The following ANGPT1 variants were observed in gnomAD, a reference collection of about 807,000 sequenced individuals.
The protein encoded by ANGPT1 is angiopoietin 1.
A neutral mutation model predicts 62.2 loss-of-function variants in ANGPT1; 17 were observed. That is an observed-to-expected ratio of 0.27 (90% CI 0.19 to 0.41). ANGPT1 has a LOEUF of 0.41. ANGPT1 is among the 10% of genes least tolerant of loss of function. ANGPT1 has a pLI of 1.00. For missense variants in ANGPT1, 478 were observed against 594.9 expected (o/e 0.80, Z 2.04); for synonymous variants, 199 against 198.9 (o/e 1.00, Z 0.00).
chr8:107,381,796 T>C (rs529740630), intron 1 of ANGPT1, among the ~76,000 whole-genome samples: 1 of 152,300 alleles, frequency 6.6e-6, no homozygotes, highest in Admixed American at 6.5e-5. Flanking sequence ...GGAAACATAG[T>C]TTTCCAAAAG....
At chr8:107,283,590 G>C (rs546646396) in intron 7 of ANGPT1, among the ~76,000 whole-genome samples, 1 of 152,158 alleles carries the variant, frequency 6.6e-6, no homozygotes, top group South Asian at 2.1e-4. Context: ...TGAACTATGA[G>C]ATAACCACAC....
At chr8:107,387,976 C>A (rs1158362681) in intron 1 of ANGPT1, among the ~76,000 whole-genome samples, 1 of 151,828 alleles carries the variant, frequency 6.6e-6, no homozygotes, top group Non-Finnish European at 1.5e-5. Context: ...GGGTTTTGGT[C>A]GACCTATTTA....
At chr8:107,475,768 G>C (rs1382736397) in intron 1 of ANGPT1, among the ~76,000 whole-genome samples, 3 of 152,140 alleles carry the variant, frequency 2.0e-5, no homozygotes, top group African/African-American at 7.2e-5. Flanking sequence ...ATCAAAAAGT[G>C]GGTGAAGGAT....
rs558679196 is a variant in ANGPT1 at position 107,269,273 on chromosome 8, C to A, written c.1206-4922G>T. ...TTATTTGATACAGGTAAATTAAGGA[C>A]CAGTCACTCATTAGTGCCAAGTATT... On this transcript the variant is annotated intron_variant, in intron 7 of 8. Coordinates refer to ENST00000517746, the MANE Select transcript of ANGPT1 (RefSeq NM_001146.5). 3.3e-5 allele frequency among the ~76,000 whole-genome samples: 5 copies of A among 151,814 alleles called. No individual in the cohort carries two copies. The East Asian group carries it at 9.7e-4, about 29-fold the overall frequency.
At position 107,257,870 on chromosome 8, in the gene ANGPT1, G is replaced by GTTTTTTTTT. The variant is rs750634420; in HGVS notation, c.1337-5856_1337-5855insAAAAAAAAA. ...TATATCCTCTTCAGGCCAAGGACTT[G>GTTTTTTTTT]TTTTTGTTTCTTTTTTGTTTGTTTG... On this transcript the variant is annotated intron_variant, in intron 8 of 8. Coordinates refer to ENST00000517746, the MANE Select transcript of ANGPT1 (RefSeq NM_001146.5). Among the ~76,000 whole-genome samples the GTTTTTTTTT allele has an allele frequency of 6.4e-4, 29 of 45,224 alleles. 4 individuals are homozygous for GTTTTTTTTT. The highest frequency in any genetic ancestry group is 3.2e-3 in the South Asian group (4 of 1,232). 29.7% of individuals were successfully genotyped at this position (45,224 alleles called of 152,430 possible). A position where few individuals can be genotyped will look rare whatever the true frequency, so the allele number is the denominator to read the frequency against.
intron 1 of ANGPT1, among the ~76,000 whole-genome samples, chr8:107,477,631 ATCTC>A (rs909737348): frequency 9.9e-5 from 15 of 152,178 alleles, no homozygotes; most frequent in Non-Finnish European, 1.8e-4. Flanking sequence ...AACTTCATTA[ATCTC>A]TCTCTCAAGT....
chr8:107,285,742 C>T (rs1396297095), intron 6 of ANGPT1, among the ~76,000 whole-genome samples: 1 of 152,028 alleles, frequency 6.6e-6, no homozygotes, highest in Non-Finnish European at 1.5e-5. Context: ...AACTTGCTGG[C>T]ATTCTAGATT....
intron 1 of ANGPT1, among the ~76,000 whole-genome samples, chr8:107,475,278 C>A (rs1213822915): frequency 2.0e-5 from 3 of 152,138 alleles, no homozygotes; most frequent in Non-Finnish European, 4.4e-5. Flanking sequence ...AGAAATAATA[C>A]CACATTTCTA....
intron 5 of ANGPT1, among the ~76,000 whole-genome samples, chr8:107,302,664 T>C (rs945311106): frequency 6.6e-6 from 1 of 151,922 alleles, no homozygotes; most frequent in Non-Finnish European, 1.5e-5. Context: ...AGCAGGAAGA[T>C]AATGTTTGCT....
rs555209711 is a variant in ANGPT1, at chr8:107,400,964, T to C, written c.298-53867A>G. On this transcript the variant is annotated intron_variant, in intron 1 of 8. Transcript: ENST00000517746. ...TTCAAAAACACATGAATGCAACACC[T>C]CCACCCCGCACACACCCCACAAATG... 2.0e-4 allele frequency among the ~76,000 whole-genome samples: 30 copies of C among 152,156 alleles called. 1 individual carries two copies. In the East Asian group the frequency reaches 5.8e-3, roughly 29 times the overall value.
chr8:107,487,767 A>C (rs1812852139), intron 1 of ANGPT1, among the ~76,000 whole-genome samples: 3 of 152,240 alleles, frequency 2.0e-5, no homozygotes, highest in African/African-American at 7.2e-5. Flanking sequence ...ACATGTGTAC[A>C]AGAAAATAGC....
chr8:107,454,881 G>A (rs1411792495), intron 1 of ANGPT1, among the ~76,000 whole-genome samples: 1 of 152,008 alleles, frequency 6.6e-6, no homozygotes, highest in Non-Finnish European at 1.5e-5. Flanking sequence ...AACAAACAAT[G>A]GGAGATCTGT....
At chr8:107,462,472 G>A (rs1297497759) in intron 1 of ANGPT1, among the ~76,000 whole-genome samples, 1 of 151,518 alleles carries the variant, frequency 6.6e-6, no homozygotes, top group Non-Finnish European at 1.5e-5. Flanking sequence ...AACAAGCAGA[G>A]AGGACATTTA....
At chr8:107,384,581 C>G (rs1816698570) in intron 1 of ANGPT1, among the ~76,000 whole-genome samples, 1 of 152,028 alleles carries the variant, frequency 6.6e-6, no homozygotes, top group Non-Finnish European at 1.5e-5. Flanking sequence ...GACAAGCAAT[C>G]TTTCTTTAGT....
At chr8:107,278,608 A>C (rs1813921109) in intron 7 of ANGPT1, among the ~76,000 whole-genome samples, 1 of 152,176 alleles carries the variant, frequency 6.6e-6, no homozygotes. Flanking sequence ...TGAGATTTGG[A>C]AGGCGAAAGT....
chr8:107,391,373 A>C (rs748442054), intron 1 of ANGPT1, among the ~76,000 whole-genome samples: 6 of 152,304 alleles, frequency 3.9e-5, no homozygotes, highest in East Asian at 1.9e-4. Context: ...TTTATTATAC[A>C]TTCATGTGTT....
chr8:107,465,355 A>G (rs964264633), intron 1 of ANGPT1, among the ~76,000 whole-genome samples: 2 of 152,302 alleles, frequency 1.3e-5, no homozygotes, highest in East Asian at 3.9e-4. Flanking sequence ...CCAGGTCTGG[A>G]AATGTTGTTA....
chr8:107,386,253 TAGG>T (rs1816729956), intron 1 of ANGPT1, among the ~76,000 whole-genome samples: 2 of 151,582 alleles, frequency 1.3e-5, no homozygotes, highest in Non-Finnish European at 2.9e-5. Flanking sequence ...GGATGGAGGG[TAGG>T]AGGAGTGAGA....
At chr8:107,366,995 G>C (rs1310658785) in intron 1 of ANGPT1, among the ~76,000 whole-genome samples, 3 of 152,050 alleles carry the variant, frequency 2.0e-5, no homozygotes, top group Non-Finnish European at 4.4e-5. Flanking sequence ...AACAACAACG[G>C]GGGAATAGAC....
Sources: allele counts gnomAD v4.1 joint callset (sites outside exome capture counted in the v4.1 genomes callset), GRCh38; gene constraint gnomAD v4.1.1; transcripts MANE v1.5; gene names NCBI Gene and HGNC (gene_info 2026-07-23, HGNC 2026-07-21).